The following RTN4IP1 variants were observed in gnomAD, a reference collection of about 807,000 sequenced individuals.
The protein encoded by RTN4IP1 is NAD(P)H oxidoreductase RTN4IP1, mitochondrial.
RTN4IP1 carries 32 observed loss-of-function variants against 46.6 expected under a neutral mutation model. The observed-to-expected ratio is 0.69, with a 90% CI of 0.52 to 0.92. The LOEUF (loss-of-function observed/expected upper bound fraction) is 0.92. Among genes scored for constraint, RTN4IP1 ranks in the 40% least tolerant of loss-of-function variants. The pLI is 0.00. For synonymous variants in RTN4IP1, 167 were observed against 161.8 expected (o/e 1.03, Z -0.24); for missense variants, 424 against 485.8 (o/e 0.87, Z 1.20).
intron 4 of RTN4IP1, among the ~76,000 whole-genome samples, chr6:106,618,881 A>T (rs558857759): frequency 2.7e-4 from 40 of 149,886 alleles, no homozygotes; most frequent in South Asian, 1.0e-3. Flanking sequence ...GAATTTCATT[A>T]AAAAAAAGAT....
At chr6:106,575,907 G>A (rs1333690088) in intron 8 of RTN4IP1, among the ~76,000 whole-genome samples, 2 of 152,168 alleles carry the variant, frequency 1.3e-5, no homozygotes, top group Non-Finnish European at 2.9e-5. Flanking sequence ...CAGGCACAGA[G>A]GCTGCAGATC....
At chr6:106,585,207 C>T (rs1375205867) in intron 7 of RTN4IP1, among the ~76,000 whole-genome samples, 1 of 152,230 alleles carries the variant, frequency 6.6e-6, no homozygotes, top group Non-Finnish European at 1.5e-5. Flanking sequence ...GGCACACTGG[C>T]TCACACCTAT....
At chr6:106,577,168 C>T (rs1775249330) in intron 8 of RTN4IP1, among the ~76,000 whole-genome samples, 1 of 152,134 alleles carries the variant, frequency 6.6e-6, no homozygotes, top group Admixed American at 6.5e-5. Context: ...TGTGCAGTGG[C>T]TCACACCTAT....
intron 1 of RTN4IP1, among the ~76,000 whole-genome samples, chr6:106,625,039 T>TA (rs2114685061): frequency 6.6e-6 from 1 of 152,198 alleles, no homozygotes; most frequent in African/African-American, 2.4e-5. Flanking sequence ...TTGGTTCAAG[T>TA]AAATTTGCTA....
At chr6:106,578,274 G>A (rs1317546738) in intron 8 of RTN4IP1, among the ~76,000 whole-genome samples, 3 of 152,212 alleles carry the variant, frequency 2.0e-5, no homozygotes, top group Non-Finnish European at 4.4e-5. Context: ...CCTGGGCCCT[G>A]CCTATGTGAC....
At chr6:106,583,239 G>T in intron 8 of RTN4IP1, 89 bp downstream of exon 8, 1 of 977,494 alleles carries the variant, frequency 1.0e-6, no homozygotes, top group Non-Finnish European at 1.6e-6. Flanking sequence ...CCTCTGTAGA[G>T]TCCCTACTAA....
At chr6:106,591,420 CT>C (rs35262095) in intron 6 of RTN4IP1, among the ~76,000 whole-genome samples, 1 of 151,898 alleles carries the variant, frequency 6.6e-6, no homozygotes, top group Non-Finnish European at 1.5e-5. Flanking sequence ...TAAGGACTCC[CT>C]TTTTTTTCTT....
At chr6:106,587,023 G>C (rs1775503419) in intron 7 of RTN4IP1, among the ~76,000 whole-genome samples, 1 of 152,186 alleles carries the variant, frequency 6.6e-6, no homozygotes, top group Non-Finnish European at 1.5e-5. Context: ...TTAATAGCTG[G>C]AGTTTCAAAT....
chr6:106,593,196 T>G lies in RTN4IP1; in HGVS notation c.670-896A>C, dbSNP rs377032764. 3.3e-5 allele frequency among the ~76,000 whole-genome samples: 5 copies of G among 152,278 alleles called. No homozygotes were observed. In the South Asian group the frequency reaches 6.2e-4, roughly 19 times the overall value. On this transcript the variant is annotated intron_variant, in intron 5 of 8. Coordinates refer to ENST00000369063, the MANE Select transcript of RTN4IP1 (RefSeq NM_032730.5). ...ACTATAATCATTTTTTCTTAAAAAC[T>G]TGGATCAGGTCCTCTCCCTTGGAGT...
chr6:106,622,817 C>T lies in RTN4IP1; in HGVS notation c.426+1G>A. The T allele has an allele frequency of 6.2e-7, 1 of 1,612,148 alleles. No homozygotes were observed. The highest frequency in any genetic ancestry group is 8.5e-7 in the Non-Finnish European group (1 of 1,178,922). On this transcript the variant is annotated splice_donor_variant, in intron 2 of 8. Coordinates refer to ENST00000369063, the MANE Select transcript of RTN4IP1 (RefSeq NM_032730.5). LOFTEE classifies it high-confidence loss of function. Reference sequence around the variant, plus strand: ...AGGAATAGTGGCATTCCCTAACTCACCTCATCTCCAGGCTTGAAGTATTTC... The same window carrying T: ...AGGAATAGTGGCATTCCCTAACTCATCTCATCTCCAGGCTTGAAGTATTTC...
At chr6:106,599,194 G>A (rs1217603822) in intron 5 of RTN4IP1, among the ~76,000 whole-genome samples, 1 of 151,386 alleles carries the variant, frequency 6.6e-6, no homozygotes, top group Admixed American at 6.6e-5. Context: ...TAATAGCTTT[G>A]TATGGGATTT....
At chr6:106,605,467 C>T (rs554131596) in intron 4 of RTN4IP1, among the ~76,000 whole-genome samples, 1 of 150,234 alleles carries the variant, frequency 6.7e-6, no homozygotes, top group East Asian at 2.0e-4. Flanking sequence ...CAAACTACAG[C>T]GTAAGCCACT....
chr6:106,587,702 T>G lies in RTN4IP1; in HGVS notation c.967A>C (p.Thr323Pro), dbSNP rs763721059. Residue 323 changes from threonine to proline, a missense_variant, in exon 7 of 9, where the codon ACT (threonine) becomes CCT (proline). Physicochemically the swap from Thr to Pro is conservative, Grantham distance 38 (BLOSUM62 -1). Transcript: ENST00000369063. ...ACCTTTAATGCCTTTGAACCTACAG[T>G]GACTCCTGTCTGCAACATGCCATCT... Reference protein sequence around the residue: ...IADGMLQTGVTVGSKALKHFW... With the variant: ...IADGMLQTGVPVGSKALKHFW... 4 of 1,612,794 alleles carry G rather than the reference T, an allele frequency of 2.5e-6. No individual in the cohort carries two copies. In the South Asian group the frequency reaches 4.4e-5, roughly 18 times the overall value.
Position 106,619,361 on chromosome 6 carries a change from G to T in RTN4IP1, c.496-35C>A. 3 of 1,612,920 alleles carry T rather than the reference G, an allele frequency of 1.9e-6. No homozygotes were observed. In the South Asian group the frequency reaches 3.3e-5, roughly 18 times the overall value. Reference sequence around the variant, plus strand: ...AAGACAACAGTCAAAAATAAGCAATGACTTGCAAACCTATGAACACAATTA... The same window carrying T: ...AAGACAACAGTCAAAAATAAGCAATTACTTGCAAACCTATGAACACAATTA... On this transcript the variant is annotated intron_variant, in intron 3 of 8. Transcript: ENST00000369063.
At chr6:106,572,259 A>C (rs1775086199) in intron 8 of RTN4IP1, 156 bp from the exon 9 acceptor site, 9 of 624,200 alleles carry the variant, frequency 1.4e-5, no homozygotes, top group Non-Finnish European at 2.3e-5. Context: ...AAGGGCCATG[A>C]TGCTGCCTCC....
chr6:106,602,913 G>A lies in RTN4IP1; in HGVS notation c.630C>T (p.Ile210=). 1.2e-6 allele frequency: 2 copies of A among 1,602,744 alleles called. No individual in the cohort carries two copies. The highest frequency in any genetic ancestry group is 1.7e-6 in the Non-Finnish European group (2 of 1,175,358). The part of the protein sequence containing the change: ...DKNCTGKRVL[I]LGASGGVGTF... ...TACCAACTCCGCCTGAAGCGCCTAA[G>A]ATTAGAACACTGAAATGCAAAGGAA... Residue 210 remains isoleucine, a synonymous_variant, in exon 5 of 9, where the codon ATC becomes ATT. Coordinates refer to ENST00000369063, the MANE Select transcript of RTN4IP1 (RefSeq NM_032730.5).
At position 106,619,237 on chromosome 6, in the gene RTN4IP1, A is replaced by G. The variant is rs1181296426; in HGVS notation, c.585T>C (p.Val195=). ...ALTAWSAINK[V]GGLNDKNCTG... is the part of the protein sequence containing the mutation. ...TGCAATTCTTGTCATTCAGGCCACC[A>G]ACTTTGTTTATAGCAGACCAGGCTG... The change falls in exon 4 of 9, where the codon GTT becomes GTC. Residue 195 remains valine (V), a synonymous_variant. Transcript: ENST00000369063. The G allele has an allele frequency of 6.2e-7, 1 of 1,614,078 alleles. No homozygotes were observed. Among genetic ancestry groups the G allele is most frequent in the East Asian group, 2.2e-5 (1 of 44,890 alleles).
upstream of RTN4IP1, chr6:106,629,718 G>A (rs1358212042): frequency 6.2e-7 from 1 of 1,601,376 alleles, no homozygotes; most frequent in South Asian, 1.1e-5. Flanking sequence ...GAGTGGAATT[G>A]GCCCGCTGAG....
At chr6:106,580,811 C>T (rs1374663201) in intron 8 of RTN4IP1, among the ~76,000 whole-genome samples, 2 of 149,830 alleles carry the variant, frequency 1.3e-5, no homozygotes, top group Non-Finnish European at 3.0e-5. Flanking sequence ...GTTATATATA[C>T]AATTAGGTAC....
Sources: allele counts gnomAD v4.1 joint callset (sites outside exome capture counted in the v4.1 genomes callset), GRCh38; gene constraint gnomAD v4.1.1; transcripts MANE v1.5; gene names NCBI Gene and HGNC (gene_info 2026-07-23, HGNC 2026-07-21).